The following SNAP91 variants were observed in gnomAD, a reference collection of about 807,000 sequenced individuals.
SNAP91 encodes the protein clathrin coat assembly protein AP180.
Under a neutral mutation model 100.3 loss-of-function variants are expected in SNAP91, and 27 were observed. The ratio of observed to expected loss-of-function variants is 0.27; its 90% CI spans 0.20 to 0.37. The LOEUF (loss-of-function observed/expected upper bound fraction) is 0.37, where lower values mean the gene tolerates loss of function less well. Ranked by LOEUF, SNAP91 falls within the 10% of genes least tolerant of loss-of-function variation. SNAP91 has a pLI of 1.00. For missense variants in SNAP91, 986 were observed against 1,123.7 expected, an observed-to-expected ratio of 0.88 and a Z score of 1.75; for synonymous variants, 404 against 398.6, an observed-to-expected ratio of 1.01 and a Z score of -0.16.
At chr6:83,694,229 TTAATAGA>T (rs2099166008) in intron 2 of SNAP91, among the ~76,000 whole-genome samples, 1 of 152,214 alleles carries the variant, frequency 6.6e-6, no homozygotes, top group Non-Finnish European at 1.5e-5. Context: ...GATGAGGCCA[TTAATAGA>T]TTTCTTGCCA....
intron 2 of SNAP91, among the ~76,000 whole-genome samples, chr6:83,706,708 A>G (rs968374132): frequency 6.6e-6 from 1 of 152,220 alleles, no homozygotes; most frequent in African/African-American, 2.4e-5. Context: ...GACCAAAAAA[A>G]CCCAGAAGAT....
intron 2 of SNAP91, among the ~76,000 whole-genome samples, chr6:83,671,404 C>T (rs886643700): frequency 3.9e-5 from 6 of 152,078 alleles, no homozygotes; most frequent in Non-Finnish European, 5.9e-5. Flanking sequence ...GAATCCATCA[C>T]ATTTTCTGCA....
At chr6:83,656,927 C>A in intron 6 of SNAP91, 62 bp from the exon 7 acceptor site, 2 of 717,520 alleles carry the variant, frequency 2.8e-6, no homozygotes, top group South Asian at 2.0e-5. Flanking sequence ...TTTCTTGAAT[C>A]ACATTAAAAT....
chr6:83,634,777 T>A (rs1276521138), intron 8 of SNAP91, among the ~76,000 whole-genome samples: 1 of 152,224 alleles, frequency 6.6e-6, no homozygotes, highest in African/African-American at 2.4e-5. Flanking sequence ...TGTAGGTGTT[T>A]AGTGCTATAA....
intron 8 of SNAP91, among the ~76,000 whole-genome samples, chr6:83,633,695 G>A (rs77221519): frequency 0.019 from 2,819 of 152,198 alleles, 78 homozygotes; most frequent in African/African-American, 0.061. Flanking sequence ...CAGCTCCCAT[G>A]CAATCCAAAG....
chr6:83,601,605 G>C lies in SNAP91; in HGVS notation c.1142-6C>G, dbSNP rs140189735. The C allele has an allele frequency of 6.3e-3, 10,110 of 1,612,926 alleles. 48 individuals are homozygous for C. Among genetic ancestry groups the C allele is most frequent in the Non-Finnish European group, 7.6e-3 (8,964 of 1,179,030 alleles). The stretch of plus-strand genomic sequence containing the variant: ...CTCACCCTCTCCCAAAAGGTCTACC[G>C]ATGTCCATTACATGGCAGCATAAGA... On this transcript the variant is annotated splice_polypyrimidine_tract_variant and splice_region_variant and intron_variant, in intron 14 of 29. Coordinates refer to ENST00000369694, the MANE Select transcript of SNAP91 (RefSeq NM_001242792.2).
chr6:83,679,676 G>C (rs554985332), intron 2 of SNAP91, among the ~76,000 whole-genome samples: 1 of 152,170 alleles, frequency 6.6e-6, no homozygotes, highest in Non-Finnish European at 1.5e-5. Flanking sequence ...GGGTCGCGAG[G>C]AAAGATCTTT....
intron 26 of SNAP91, among the ~76,000 whole-genome samples, chr6:83,564,896 A>T (rs1794467498): frequency 6.6e-6 from 1 of 152,062 alleles, no homozygotes; most frequent in Non-Finnish European, 1.5e-5. Context: ...AAAAGAAAAA[A>T]TAGATAAATT....
chr6:83,614,803 T>C, intron 11 of SNAP91, 54 bp downstream of exon 11: 1 of 1,386,828 alleles, frequency 7.2e-7, no homozygotes, highest in South Asian at 1.3e-5. Context: ...AAGAGTGTTT[T>C]TTGCATTTTT....
chr6:83,584,228 T>C lies in SNAP91; in HGVS notation c.2015-1872A>G, dbSNP rs140105214. ...TTGTGATTCTCTTTCTATAGGTGAA[T>C]GTGGAGAAAACTTGACTCTTGACTT... On this transcript the variant is annotated intron_variant, in intron 22 of 29. Coordinates refer to ENST00000369694, the MANE Select transcript of SNAP91 (RefSeq NM_001242792.2). Among the ~76,000 whole-genome samples, 1,299 of 152,328 alleles carry C rather than the reference T, an allele frequency of 8.5e-3. 15 individuals are homozygous for C. Among genetic ancestry groups the C allele is most frequent in the African/African-American group, 0.029 (1,211 of 41,562 alleles).
At chr6:83,564,946 C>T (rs899649228) in intron 26 of SNAP91, among the ~76,000 whole-genome samples, 14 of 150,314 alleles carry the variant, frequency 9.3e-5, no homozygotes, top group African/African-American at 3.4e-4. Flanking sequence ...CATCAAAGGA[C>T]ACTATCAAGA....
chr6:83,642,825 A>T (rs2097765646), intron 7 of SNAP91, among the ~76,000 whole-genome samples: 1 of 152,066 alleles, frequency 6.6e-6, no homozygotes. Context: ...AAGTGTTCCT[A>T]TTTCTCCACA....
At chr6:83,555,958 C>T (rs910012678) in intron 29 of SNAP91, among the ~76,000 whole-genome samples, 185 bp downstream of exon 29, 1 of 151,990 alleles carries the variant, frequency 6.6e-6, no homozygotes, top group Admixed American at 6.6e-5. Flanking sequence ...CTCCTAGTTA[C>T]ATAAATTAAG....
chr6:83,693,375 C>T (rs796329389), intron 2 of SNAP91, among the ~76,000 whole-genome samples: 5 of 152,232 alleles, frequency 3.3e-5, no homozygotes, highest in East Asian at 3.9e-4. Flanking sequence ...CTCTAAAGAG[C>T]GCCTTTATTT....
At chr6:83,687,874 G>C (rs1327040897) in intron 2 of SNAP91, among the ~76,000 whole-genome samples, 2 of 152,184 alleles carry the variant, frequency 1.3e-5, no homozygotes, top group Non-Finnish European at 2.9e-5. Context: ...AGAAATAAAG[G>C]AGTCAAGCAA....
intron 2 of SNAP91, among the ~76,000 whole-genome samples, chr6:83,703,805 T>C (rs1371317217): frequency 6.6e-6 from 1 of 152,228 alleles, no homozygotes; most frequent in Admixed American, 6.5e-5. Flanking sequence ...ATAGGATTAC[T>C]GAAAACCAAA....
At position 83,564,800 on chromosome 6, in the gene SNAP91, C is replaced by T. The variant is rs78028732; in HGVS notation, c.2443-3853G>A. On this transcript the variant is annotated intron_variant, in intron 26 of 29. Coordinates refer to ENST00000369694, the MANE Select transcript of SNAP91 (RefSeq NM_001242792.2). Reference sequence around the variant, plus strand: ...TAATGTAAGAGGTAAAACTATAAAACTCCTGGAAAGAAACAGGTAAAAAAT... The same window carrying T: ...TAATGTAAGAGGTAAAACTATAAAATTCCTGGAAAGAAACAGGTAAAAAAT... Among the ~76,000 whole-genome samples the T allele has an allele frequency of 1.6e-4, 24 of 151,980 alleles. No homozygotes were observed. In the East Asian group the frequency reaches 4.6e-3, roughly 29 times the overall value.
chr6:83,654,117 T>G (rs967235427), intron 7 of SNAP91, among the ~76,000 whole-genome samples: 4 of 152,190 alleles, frequency 2.6e-5, no homozygotes, highest in Non-Finnish European at 4.4e-5. Context: ...TCTCTATGAC[T>G]GGGTTCCCTT....
intron 6 of SNAP91, among the ~76,000 whole-genome samples, chr6:83,657,770 A>ATT (rs11364155): frequency 1.4e-5 from 2 of 142,700 alleles, no homozygotes; most frequent in South Asian, 2.3e-4. Flanking sequence ...CAGATTTCAG[A>ATT]TTTTTTTTTT....
Sources: allele counts gnomAD v4.1 joint callset (sites outside exome capture counted in the v4.1 genomes callset), GRCh38; gene constraint gnomAD v4.1.1; transcripts MANE v1.5; gene names NCBI Gene and HGNC (gene_info 2026-07-23, HGNC 2026-07-21).